The following UBE2G1 variants were observed in gnomAD, a reference collection of about 807,000 sequenced individuals.
UBE2G1 encodes ubiquitin conjugating enzyme E2 G1.
In UBE2G1, 5 loss-of-function variants were observed where a neutral mutation model predicts 22.7. The ratio of observed to expected loss-of-function variants is 0.22; its 90% confidence interval spans 0.12 to 0.46. The LOEUF (loss-of-function observed/expected upper bound fraction) is 0.46. UBE2G1 is among the 20% of genes least tolerant of loss of function. The probability of loss-of-function intolerance (pLI) is 0.99; values close to 1 mark genes in which losing one functional copy is unlikely to be tolerated. For missense variants in UBE2G1, 88 were observed against 203.9 expected, an observed-to-expected ratio of 0.43 and a Z score of 3.46; for synonymous variants, 74 against 67.5, an observed-to-expected ratio of 1.10 and a Z score of -0.47.
chr17:4,357,142 AT>A (rs1969914487), intron 1 of UBE2G1, among the ~76,000 whole-genome samples: 1 of 152,174 alleles, frequency 6.6e-6, no homozygotes, highest in African/African-American at 2.4e-5. Context: ...AACAGAAAAA[AT>A]AAACAATTCC....
intron 5 of UBE2G1, among the ~76,000 whole-genome samples, chr17:4,274,605 C>T (rs1354130733): frequency 6.6e-6 from 1 of 152,248 alleles, no homozygotes. Flanking sequence ...AGAGGTAGAA[C>T]GACTGCTATA....
In UBE2G1 at chr17:4,357,772, T is replaced by G. The variant is rs575241334; in HGVS notation, c.46+8499A>C. ...AAGATCCCACCACTGCACTCCAGCCTGGGCAACAAGAGCGGAACTCTGTCT... is the reference window on the plus strand; with the variant it reads ...AAGATCCCACCACTGCACTCCAGCCGGGGCAACAAGAGCGGAACTCTGTCT... On this transcript the variant is annotated intron_variant, in intron 1 of 5. Coordinates refer to ENST00000396981, the MANE Select transcript of UBE2G1 (RefSeq NM_003342.5). Among the ~76,000 whole-genome samples the G allele has an allele frequency of 6.8e-4, 103 of 151,986 alleles. 1 individual carries two copies. The highest frequency in any genetic ancestry group is 9.3e-4 in the Non-Finnish European group (63 of 67,972).
intron 2 of UBE2G1, chr17:4,301,816 A>G (rs938640779): frequency 5.5e-6 from 3 of 547,138 alleles, no homozygotes; most frequent in Admixed American, 2.1e-5. Flanking sequence ...CTGGACTCCA[A>G]CAATTTAGCA....
At chr17:4,364,668 C>T (rs1970012090) in intron 1 of UBE2G1, among the ~76,000 whole-genome samples, 2 of 151,576 alleles carry the variant, frequency 1.3e-5, no homozygotes, top group Non-Finnish European at 2.9e-5. Flanking sequence ...GCAACGATGC[C>T]TCCCGCGTTC....
intron 1 of UBE2G1, among the ~76,000 whole-genome samples, chr17:4,318,288 C>T (rs1969399809): frequency 6.6e-6 from 1 of 152,174 alleles, no homozygotes; most frequent in African/African-American, 2.4e-5. Context: ...CAAGCCCATA[C>T]CTGAATTATT....
At chr17:4,304,739 T>C (rs908053057) in intron 2 of UBE2G1, among the ~76,000 whole-genome samples, 4 of 152,116 alleles carry the variant, frequency 2.6e-5, no homozygotes, top group Admixed American at 6.6e-5. Context: ...CTGGGTACCA[T>C]CTGAGCCTAT....
intron 1 of UBE2G1, among the ~76,000 whole-genome samples, chr17:4,325,381 G>A (rs891555713): frequency 2.0e-5 from 3 of 152,024 alleles, no homozygotes; most frequent in African/African-American, 7.2e-5. Context: ...CAGTTACATG[G>A]TTTTTGTTTT....
chr17:4,291,735 T>TG (rs1969044708), intron 3 of UBE2G1, among the ~76,000 whole-genome samples: 3 of 152,348 alleles, frequency 2.0e-5, no homozygotes, highest in Admixed American at 6.5e-5. Flanking sequence ...CAATCTGAGA[T>TG]GGCCATTTCA....
intron 4 of UBE2G1, among the ~76,000 whole-genome samples, chr17:4,286,016 C>T (rs546045926): frequency 7.9e-5 from 12 of 151,072 alleles, no homozygotes; most frequent in South Asian, 2.1e-4. Flanking sequence ...AAGAAAAATG[C>T]GGGTTTCCTG....
At chr17:4,287,947 T>C (rs1968986963) in intron 4 of UBE2G1, among the ~76,000 whole-genome samples, 1 of 151,774 alleles carries the variant, frequency 6.6e-6, no homozygotes, top group Non-Finnish European at 1.5e-5. Context: ...AATGTGAATA[T>C]AGATTATATA....
chr17:4,365,196 G>A (rs2032065717), intron 1 of UBE2G1, among the ~76,000 whole-genome samples: 1 of 152,232 alleles, frequency 6.6e-6, no homozygotes, highest in African/African-American at 2.4e-5. Flanking sequence ...TGGGTAGGGG[G>A]AAGATCGCTT....
chr17:4,273,640 GTGGT>G lies in UBE2G1; in HGVS notation c.*38-1128_*38-1125del, dbSNP rs533106927. Among the ~76,000 whole-genome samples, 38 of 150,702 alleles carry G rather than the reference GTGGT, an allele frequency of 2.5e-4. No homozygotes were observed. In the South Asian group the frequency reaches 7.8e-3, roughly 31 times the overall value. On this transcript the variant is annotated intron_variant, in intron 5 of 5. Coordinates refer to ENST00000396981, the MANE Select transcript of UBE2G1 (RefSeq NM_003342.5). ...TTACAGGCATGTGCTACTGCACCCA[GTGGT>G]TAAAGCTTTAAAAGTCTCATTTGAC...
chr17:4,347,089 G>C (rs1010135878), intron 1 of UBE2G1, among the ~76,000 whole-genome samples: 1 of 152,018 alleles, frequency 6.6e-6, no homozygotes, highest in African/African-American at 2.4e-5. Flanking sequence ...GGAGGCGGAG[G>C]TTGCAGTGAG....
At chr17:4,294,930 G>A (rs146555662) in intron 3 of UBE2G1, among the ~76,000 whole-genome samples, 15 of 151,094 alleles carry the variant, frequency 9.9e-5, no homozygotes, top group Admixed American at 2.0e-4. Flanking sequence ...TGGGAGAAAC[G>A]TACGTGAGGG....
At chr17:4,293,549 G>T (rs1030534160) in intron 3 of UBE2G1, among the ~76,000 whole-genome samples, 2 of 152,176 alleles carry the variant, frequency 1.3e-5, no homozygotes, top group African/African-American at 4.8e-5. Context: ...TAGGATGGAA[G>T]TGCAGGGTCC....
intron 3 of UBE2G1, among the ~76,000 whole-genome samples, chr17:4,295,768 AT>A (rs965463653): frequency 2.6e-4 from 39 of 149,624 alleles, no homozygotes; most frequent in African/African-American, 7.9e-4. Flanking sequence ...TTTATAGAGA[AT>A]TTTTTTTTTA....
At chr17:4,288,922 C>A (rs1226230439) in intron 4 of UBE2G1, among the ~76,000 whole-genome samples, 2 of 151,904 alleles carry the variant, frequency 1.3e-5, no homozygotes, top group African/African-American at 4.8e-5. Flanking sequence ...CACATGTAAT[C>A]GGAACAATTT....
intron 5 of UBE2G1, among the ~76,000 whole-genome samples, chr17:4,278,830 A>C (rs985929743): frequency 6.6e-6 from 1 of 152,200 alleles, no homozygotes; most frequent in East Asian, 1.9e-4. Context: ...GCACATCTAA[A>C]TTTTTTCTAG....
At chr17:4,349,152 C>G (rs1969815088) in intron 1 of UBE2G1, among the ~76,000 whole-genome samples, 1 of 152,066 alleles carries the variant, frequency 6.6e-6, no homozygotes, top group African/African-American at 2.4e-5. Context: ...GAAACCCTGT[C>G]TCTACTAAAA....
Sources: gnomAD v4.1 joint callset for allele counts (sites outside exome capture counted in the v4.1 genomes callset) on GRCh38, gnomAD v4.1.1 for gene constraint, MANE v1.5 for transcripts, NCBI Gene and HGNC (gene_info 2026-07-23, HGNC 2026-07-21) for gene names.